The following RPH3AL variants were observed in gnomAD, a reference collection of about 807,000 sequenced individuals.
RPH3AL encodes the protein rab effector Noc2.
In RPH3AL, 38 loss-of-function variants were observed where a neutral mutation model predicts 43.1. The observed-to-expected ratio is 0.88, with a 90% CI of 0.68 to 1.15. RPH3AL has a LOEUF of 1.15. RPH3AL is among the 50% of genes most tolerant of loss of function. The pLI is 0.00. For synonymous variants in RPH3AL, 189 were observed against 176.3 expected (o/e 1.07, Z -0.57); for missense variants, 462 against 423.2 (o/e 1.09, Z -0.81).
At chr17:267,691 T>C (rs2042355667) in intron 6 of RPH3AL, among the ~76,000 whole-genome samples, 1 of 152,176 alleles carries the variant, frequency 6.6e-6, no homozygotes, top group Non-Finnish European at 1.5e-5. Context: ...GGGGAAAGCC[T>C]CTAGTTCTGA....
chr17:244,048 A>G (rs918546639), intron 7 of RPH3AL, among the ~76,000 whole-genome samples: 8 of 134,704 alleles, frequency 5.9e-5, no homozygotes, highest in Non-Finnish European at 1.2e-4. Flanking sequence ...ACTTTCCTCT[A>G]TTGATTACCC....
intron 6 of RPH3AL, among the ~76,000 whole-genome samples, chr17:260,824 C>T (rs1235006612): frequency 2.0e-5 from 3 of 152,166 alleles, no homozygotes; most frequent in Non-Finnish European, 4.4e-5. Context: ...CCTCCCCCAC[C>T]CCCATCACCA....
chr17:236,862 G>A (rs141841495), intron 7 of RPH3AL, among the ~76,000 whole-genome samples: 9 of 152,400 alleles, frequency 5.9e-5, no homozygotes, highest in African/African-American at 1.7e-4. Flanking sequence ...GCCACGGGCG[G>A]GGCATGCGCT....
Position 225,324 on chromosome 17 carries a change from G to A in RPH3AL, c.614-5588C>T, listed in dbSNP as rs1295344455. Among the ~76,000 whole-genome samples, 1 of 152,114 alleles carries A rather than the reference G, an allele frequency of 6.6e-6. No homozygotes were observed. The highest frequency in any genetic ancestry group is 1.9e-4 in the East Asian group (1 of 5,198). ...TCTTCGTAGTACTTGAGAAATGCAA[G>A]GAAAACCTGCCTTATTTTGCAGTTG... is the stretch of plus-strand genomic sequence containing the variant. On this transcript the variant is annotated intron_variant, in intron 7 of 9. Transcript: ENST00000331302. The surrounding 1 kb of genome is among the most constrained non-coding windows in gnomAD (Gnocchi z 4.4).
At chr17:227,333 G>A (rs1483575008) in intron 7 of RPH3AL, among the ~76,000 whole-genome samples, 1 of 151,688 alleles carries the variant, frequency 6.6e-6, no homozygotes, top group African/African-American at 2.4e-5. Context: ...ACGGAGCGGG[G>A]GGAAGAGTCT....
In RPH3AL at chr17:333,888, A is replaced by C. The variant is rs1003105416; in HGVS notation, c.-166T>G. The C allele has an allele frequency of 5.2e-5, 8 of 153,110 alleles. No homozygotes were observed. The highest frequency in any genetic ancestry group is 2.9e-5 in the Non-Finnish European group (2 of 68,628). The allele number at this position is 153,110 out of a possible 1,614,324, so 9.5% of individuals were successfully genotyped here. ...GGAGGCAGCTGTGTCTTGGTAGCCT[A>C]ATCTGCGGATCTCCAATTAGATGGT... On this transcript the variant is annotated 5_prime_UTR_variant, in exon 2 of 10. The change creates a new upstream start codon in the 5' untranslated region. Coordinates refer to ENST00000331302, the MANE Select transcript of RPH3AL (RefSeq NM_006987.4). The surrounding 1 kb of genome is among the most constrained non-coding windows in gnomAD (Gnocchi z 4.5).
intron 5 of RPH3AL, among the ~76,000 whole-genome samples, chr17:317,030 C>G (rs1371955600): frequency 6.7e-6 from 1 of 148,728 alleles, no homozygotes; most frequent in Non-Finnish European, 1.5e-5. Flanking sequence ...TGTGCTCCAC[C>G]TCCACTGACC....
chr17:222,916 G>T (rs1468132164), intron 7 of RPH3AL, among the ~76,000 whole-genome samples: 4 of 152,242 alleles, frequency 2.6e-5, no homozygotes, highest in African/African-American at 9.6e-5. Context: ...AGGGCTGGGT[G>T]TGGTGGCTCA....
chr17:302,834 A>C (rs2043362868), intron 5 of RPH3AL, among the ~76,000 whole-genome samples: 1 of 152,252 alleles, frequency 6.6e-6, no homozygotes, highest in Non-Finnish European at 1.5e-5. Context: ...AGATGAAAAA[A>C]GGAGTGTACA....
chr17:283,459 A>C lies in RPH3AL; in HGVS notation c.352-1605T>G, dbSNP rs915522838. Among the ~76,000 whole-genome samples, 1 of 152,144 alleles carries C rather than the reference A, an allele frequency of 6.6e-6. No individual in the cohort carries two copies. Among genetic ancestry groups the C allele is most frequent in the African/African-American group, 2.4e-5 (1 of 41,440 alleles). ...ATGTCACCTTTTATTTATCCAAAGAAAATGCAATCTGCTCCAAGCTCCTGT... is the reference window on the plus strand; with the variant it reads ...ATGTCACCTTTTATTTATCCAAAGACAATGCAATCTGCTCCAAGCTCCTGT... On this transcript the variant is annotated intron_variant, in intron 5 of 9. Coordinates refer to ENST00000331302, the MANE Select transcript of RPH3AL (RefSeq NM_006987.4). The surrounding 1 kb of genome is among the most constrained non-coding windows in gnomAD (Gnocchi z 4.2).
chr17:223,848 ACT>A (rs746234433), intron 7 of RPH3AL, among the ~76,000 whole-genome samples: 1 of 152,102 alleles, frequency 6.6e-6, no homozygotes, highest in Admixed American at 6.6e-5. Context: ...GACCTGGAAG[ACT>A]CTCAACCCTG....
intron 6 of RPH3AL, among the ~76,000 whole-genome samples, chr17:250,955 T>C (rs752242049): frequency 5.8e-4 from 89 of 152,376 alleles, no homozygotes; most frequent in Middle Eastern, 3.4e-3. Flanking sequence ...CACAGGGTTA[T>C]CCCAGAGGGC....
intron 7 of RPH3AL, among the ~76,000 whole-genome samples, chr17:238,815 C>G (rs1219298262): frequency 6.6e-6 from 1 of 152,156 alleles, no homozygotes; most frequent in African/African-American, 2.4e-5. Context: ...GGGGATGAAC[C>G]CAGCTCTAAA....
At position 327,553 on chromosome 17, in the gene RPH3AL, C is replaced by T; in HGVS notation, c.-10G>A. The T allele has an allele frequency of 6.2e-7, 1 of 1,613,334 alleles. No individual in the cohort carries two copies. The highest frequency in any genetic ancestry group is 1.1e-5 in the South Asian group (1 of 91,068). On this transcript the variant is annotated 5_prime_UTR_variant, in exon 3 of 10. Coordinates refer to ENST00000331302, the MANE Select transcript of RPH3AL (RefSeq NM_006987.4). ...AGATGGTGTCGGCCATGGCTCGGAG[C>T]ACCCGGCTGGGGGTGGGGAGTCACA... is the stretch of plus-strand genomic sequence containing the variant.
intron 5 of RPH3AL, among the ~76,000 whole-genome samples, chr17:302,114 C>T (rs951075402): frequency 6.6e-5 from 10 of 152,202 alleles, no homozygotes; most frequent in African/African-American, 1.2e-4. Context: ...GGCACAGAGG[C>T]GAGAGCTTCG....
At chr17:334,751 TC>T (rs1434606182) in intron 1 of RPH3AL, among the ~76,000 whole-genome samples, 2 of 84,872 alleles carry the variant, frequency 2.4e-5, no homozygotes. Context: ...CCCCACGCCT[TC>T]CCCCAGGGCC....
intron 1 of RPH3AL, chr17:349,492 A>C (rs2045312779): frequency 6.6e-6 from 1 of 152,156 alleles, no homozygotes; most frequent in Non-Finnish European, 1.5e-5. Flanking sequence ...TCTAAGGTTA[A>C]ATGCACGTTC....
At chr17:318,588 G>A (rs1324270462) in intron 5 of RPH3AL, among the ~76,000 whole-genome samples, 1 of 148,960 alleles carries the variant, frequency 6.7e-6, no homozygotes, top group Non-Finnish European at 1.5e-5. Context: ...AAGGGTTTAT[G>A]CCAGGAAAAA....
At chr17:250,287 C>T (rs112790958) in intron 6 of RPH3AL, among the ~76,000 whole-genome samples, 145 of 42,408 alleles carry the variant, frequency 3.4e-3, no homozygotes, top group Middle Eastern at 0.031. Context: ...GAGCCTTTAC[C>T]AAGCTCCGTT....
Sources: gnomAD v4.1 joint callset for allele counts (sites outside exome capture counted in the v4.1 genomes callset) on GRCh38, gnomAD v4.1.1 for gene constraint, Gnocchi (gnomAD v3.1) non-coding constraint, MANE v1.5 for transcripts, NCBI Gene and HGNC (gene_info 2026-07-23, HGNC 2026-07-21) for gene names.